RAPGEF4: variants seen among roughly 807,000 people sequenced by gnomAD.
RAPGEF4 encodes RAP guanine-nucleotide-exchange factor (GEF) 4.
Under a neutral mutation model 147.9 loss-of-function variants are expected in RAPGEF4, and 66 were observed. The observed-to-expected ratio is 0.45, with a 90% CI of 0.37 to 0.55. The LOEUF (loss-of-function observed/expected upper bound fraction) is 0.55. RAPGEF4 is among the 20% of genes least tolerant of loss of function. RAPGEF4 has a pLI of 0.00. For synonymous variants in RAPGEF4, 419 were observed against 442.7 expected, an observed-to-expected ratio of 0.95 and a Z score of 0.67; for missense variants, 1,071 against 1,257.3, an observed-to-expected ratio of 0.85 and a Z score of 2.24.
chr2:173,035,275 G>A (rs1003839633), intron 27 of RAPGEF4, among the ~76,000 whole-genome samples: 2 of 151,870 alleles, frequency 1.3e-5, no homozygotes, highest in African/African-American at 4.8e-5. Context: ...TTGGGAGGCC[G>A]AGGCGGGCAG....
intron 1 of RAPGEF4, among the ~76,000 whole-genome samples, chr2:172,748,889 G>A (rs1011292742): frequency 6.6e-6 from 1 of 152,186 alleles, no homozygotes; most frequent in Non-Finnish European, 1.5e-5. Context: ...GGAGAAATTG[G>A]CCAAAACAAA....
intron 4 of RAPGEF4, among the ~76,000 whole-genome samples, chr2:172,882,806 TATC>T (rs3835839): frequency 1.3e-5 from 2 of 151,724 alleles, no homozygotes; most frequent in South Asian, 2.1e-4. Flanking sequence ...ACATTATCAT[TATC>T]ATCATCATCA....
chr2:172,921,873 G>A (rs114208139), intron 5 of RAPGEF4, among the ~76,000 whole-genome samples: 67 of 152,342 alleles, frequency 4.4e-4, no homozygotes, highest in African/African-American at 1.6e-3. Context: ...CACTAGAGCC[G>A]AGTGGAGTGG....
intron 1 of RAPGEF4, among the ~76,000 whole-genome samples, chr2:172,747,171 C>T (rs554399809): frequency 6.6e-6 from 1 of 152,270 alleles, no homozygotes; most frequent in African/African-American, 2.4e-5. Context: ...TTAGAACAGC[C>T]TTATTCTTCT....
At chr2:172,852,941 A>G (rs570179101) in intron 4 of RAPGEF4, among the ~76,000 whole-genome samples, 3 of 152,162 alleles carry the variant, frequency 2.0e-5, no homozygotes, top group Admixed American at 1.3e-4. Context: ...TTTAATGTTA[A>G]AACAGTGTTA....
At position 172,931,114 on chromosome 2, in the gene RAPGEF4, A is replaced by G. The variant is rs139013703; in HGVS notation, c.537+8814A>G. Among the ~76,000 whole-genome samples, 950 of 136,614 alleles carry G rather than the reference A, an allele frequency of 7.0e-3. 12 individuals carry two copies. The highest frequency in any genetic ancestry group is 0.024 in the African/African-American group (856 of 36,166). The allele number at this position is 136,614 out of a possible 152,430, so 89.6% of individuals were successfully genotyped here. On this transcript the variant is annotated intron_variant, in intron 6 of 30. Coordinates refer to ENST00000397081, the MANE Select transcript of RAPGEF4 (RefSeq NM_007023.4). ...CAGGAGCTTCAGTTTCCTCACTGGT[A>G]TAATGGTGATCTGACTTACCACAAT... is the stretch of plus-strand genomic sequence containing the variant.
chr2:173,001,307 A>G lies in RAPGEF4; in HGVS notation c.1621A>G (p.Met541Val), dbSNP rs779264351. The G allele has an allele frequency of 1.9e-6, 3 of 1,613,742 alleles. No individual in the cohort carries two copies. In the Admixed American group the frequency reaches 5.0e-5, roughly 27 times the overall value. The change falls in exon 17 of 31, where the codon ATG becomes GTG. Residue 541 changes from methionine (M) to valine (V), a missense_variant. By Grantham distance (21) the Met-to-Val change is conservative. Transcript: ENST00000397081. ...CTTTATTATGATGCACTGTGTTTTT[A>G]TGCCAAATACCCAGCTTTGCCCGGC... Reference protein sequence around the residue: ...NDFIMMHCVFMPNTQLCPALV... With the variant: ...NDFIMMHCVFVPNTQLCPALV...
At chr2:172,784,928 T>C (rs6713917) in intron 1 of RAPGEF4, among the ~76,000 whole-genome samples, 135,317 of 152,036 alleles carry the variant, frequency 0.89, 60,365 homozygotes, top group Non-Finnish European at 0.92. Flanking sequence ...CGGGTTCAAG[T>C]GTTTCTCCTG....
intron 10 of RAPGEF4, among the ~76,000 whole-genome samples, chr2:172,969,640 G>C (rs180896997): frequency 2.0e-5 from 3 of 152,344 alleles, no homozygotes; most frequent in Admixed American, 6.5e-5. Context: ...TTTTTGAAAT[G>C]GCTCCTGCCC....
chr2:172,864,257 A>T (rs1281899446), intron 4 of RAPGEF4, among the ~76,000 whole-genome samples: 1 of 152,220 alleles, frequency 6.6e-6, no homozygotes, highest in Admixed American at 6.5e-5. Flanking sequence ...AGTTGAGAGG[A>T]AAAACAGCAG....
At chr2:172,798,648 C>CTTTTTTTTTTTTTTTTTTTTTTTTTTTTG (rs1268901656) in intron 3 of RAPGEF4, among the ~76,000 whole-genome samples, 1 of 151,850 alleles carries the variant, frequency 6.6e-6, no homozygotes, top group Admixed American at 6.6e-5. Flanking sequence ...GAGGCTTTTT[C>CTTTTTTTTTTTTTTTTTTTTTTTTTTTTG]ATAGGTAGCA....
Position 173,036,504 on chromosome 2 carries a change from T to C in RAPGEF4, c.2789-124T>C, listed in dbSNP as rs1684028900. The C allele has an allele frequency of 3.9e-6, 3 of 771,178 alleles. No homozygotes were observed. In the South Asian group the frequency reaches 5.7e-5, roughly 15 times the overall value. The allele number at this position is 771,178 out of a possible 1,614,324, so 47.8% of individuals were successfully genotyped here. ...TAAACACCTAGCATTAAAGGAACTATTAACAGCTTTTTTCAACTGTAGTGT... is the reference window on the plus strand; with the variant it reads ...TAAACACCTAGCATTAAAGGAACTACTAACAGCTTTTTTCAACTGTAGTGT... On this transcript the variant is annotated intron_variant, in intron 28 of 30. Coordinates refer to ENST00000397081, the MANE Select transcript of RAPGEF4 (RefSeq NM_007023.4).
At chr2:172,980,319 C>A (rs1483458210) in intron 10 of RAPGEF4, among the ~76,000 whole-genome samples, 1 of 151,896 alleles carries the variant, frequency 6.6e-6, no homozygotes, top group East Asian at 1.9e-4. Flanking sequence ...GAAGAGATGG[C>A]CAGGAAGCCC....
intron 10 of RAPGEF4, among the ~76,000 whole-genome samples, chr2:172,974,000 G>C (rs1336454870): frequency 6.6e-6 from 1 of 152,152 alleles, no homozygotes; most frequent in Non-Finnish European, 1.5e-5. Flanking sequence ...ATACCTGCTT[G>C]CCCTCTCCCT....
At chr2:172,881,107 G>A (rs1002244590) in intron 4 of RAPGEF4, among the ~76,000 whole-genome samples, 1 of 152,134 alleles carries the variant, frequency 6.6e-6, no homozygotes. Flanking sequence ...CAGAAATACT[G>A]CCCACGCTTG....
intron 1 of RAPGEF4, among the ~76,000 whole-genome samples, chr2:172,751,883 A>C (rs1166555190): frequency 6.6e-6 from 1 of 152,220 alleles, no homozygotes; most frequent in African/African-American, 2.4e-5. Context: ...TGTAATAGAC[A>C]AGTAGCTTCA....
At chr2:172,855,286 C>T (rs1006111038) in intron 4 of RAPGEF4, among the ~76,000 whole-genome samples, 1 of 152,154 alleles carries the variant, frequency 6.6e-6, no homozygotes, top group Non-Finnish European at 1.5e-5. Context: ...TCATATTGTA[C>T]TGCTTCATGT....
chr2:172,824,868 G>A (rs966347067), intron 4 of RAPGEF4, among the ~76,000 whole-genome samples: 1 of 152,176 alleles, frequency 6.6e-6, no homozygotes, highest in Non-Finnish European at 1.5e-5. Flanking sequence ...ATCGTGGGAG[G>A]CTCTCAACTA....
rs78710003 is a variant in RAPGEF4, at chr2:172,778,367, C to T, written c.66-16658C>T. Among the ~76,000 whole-genome samples the T allele has an allele frequency of 9.8e-3, 1,488 of 152,224 alleles. 15 individuals are homozygous for T. Among genetic ancestry groups the T allele is most frequent in the Non-Finnish European group, 0.016 (1,070 of 68,022 alleles). On this transcript the variant is annotated intron_variant, in intron 1 of 30. Transcript: ENST00000397081. The stretch of plus-strand genomic sequence containing the variant: ...TATAATCTGATTACTAATCTAGAGA[C>T]CTGTCTTCTCCAATGTATCTACATA...
Sources: allele counts gnomAD v4.1 joint callset (sites outside exome capture counted in the v4.1 genomes callset), GRCh38; gene constraint gnomAD v4.1.1; transcripts MANE v1.5; gene names NCBI Gene and HGNC (gene_info 2026-07-23, HGNC 2026-07-21).